Variants in ADGRL3 observed in about 807,000 individuals in gnomAD.
ADGRL3 encodes the protein calcium-independent alpha-latrotoxin receptor 3.
In ADGRL3, 62 loss-of-function variants were observed where a neutral mutation model predicts 153.5. The observed-to-expected ratio is 0.40, with a 90% CI of 0.33 to 0.50. ADGRL3 has a LOEUF of 0.50. Ranked by LOEUF, ADGRL3 falls within the 20% of genes least tolerant of loss-of-function variation. ADGRL3 has a pLI of 0.47. For missense variants in ADGRL3, 1,641 were observed against 1,859.4 expected (o/e 0.88, Z 2.16); for synonymous variants, 710 against 672.5 (o/e 1.06, Z -0.86).
chr4:61,666,653 A>G (rs2094807457), intron 5 of ADGRL3, among the ~76,000 whole-genome samples: 1 of 152,146 alleles, frequency 6.6e-6, no homozygotes, highest in East Asian at 1.9e-4. Context: ...TTAACTTAAG[A>G]GAAATAAAGT....
At chr4:61,527,993 A>G (rs1235797202) in intron 4 of ADGRL3, among the ~76,000 whole-genome samples, 1 of 152,054 alleles carries the variant, frequency 6.6e-6, no homozygotes, top group Non-Finnish European at 1.5e-5. Flanking sequence ...TCTAACCTCC[A>G]GTCATCTTTT....
At chr4:61,302,858 GTTGTA>G (rs2094625195) in intron 1 of ADGRL3, among the ~76,000 whole-genome samples, 1 of 152,076 alleles carries the variant, frequency 6.6e-6, no homozygotes, top group Non-Finnish European at 1.5e-5. Context: ...AAACATTTCA[GTTGTA>G]TTGTCTTTAT....
intron 3 of ADGRL3, among the ~76,000 whole-genome samples, chr4:61,502,877 A>T (rs1301123233): frequency 6.6e-6 from 1 of 152,186 alleles, no homozygotes; most frequent in African/African-American, 2.4e-5. Flanking sequence ...GGTTATTTTT[A>T]GAAATTAATC....
At chr4:61,564,261 G>GT (rs1481401109) in intron 4 of ADGRL3, among the ~76,000 whole-genome samples, 1 of 151,624 alleles carries the variant, frequency 6.6e-6, no homozygotes, top group African/African-American at 2.4e-5. Context: ...TTTTTTGTTT[G>GT]TTTTTGTTGG....
chr4:62,027,997 A>G (rs1242216824), intron 21 of ADGRL3, among the ~76,000 whole-genome samples: 1 of 151,790 alleles, frequency 6.6e-6, no homozygotes, highest in Admixed American at 6.6e-5. Flanking sequence ...GGTTCTCTTT[A>G]TTCAAAATAC....
intron 9 of ADGRL3, among the ~76,000 whole-genome samples, chr4:61,865,804 A>C (rs1055439605): frequency 4.6e-5 from 7 of 152,284 alleles, no homozygotes; most frequent in Admixed American, 3.9e-4. Flanking sequence ...GGGGAGCATA[A>C]GTTTGGGCAG....
At chr4:61,860,393 A>G (rs1185288975) in intron 9 of ADGRL3, among the ~76,000 whole-genome samples, 1 of 152,090 alleles carries the variant, frequency 6.6e-6, no homozygotes, top group East Asian at 1.9e-4. Flanking sequence ...AAATCAAATT[A>G]TCAGAGTTGG....
At chr4:61,551,793 T>A (rs1012938620) in intron 4 of ADGRL3, among the ~76,000 whole-genome samples, 2 of 152,186 alleles carry the variant, frequency 1.3e-5, no homozygotes, top group Admixed American at 6.5e-5. Context: ...GACATATATT[T>A]TTAAAACATA....
intron 2 of ADGRL3, among the ~76,000 whole-genome samples, chr4:61,455,805 C>T (rs2097728133): frequency 6.6e-6 from 1 of 151,586 alleles, no homozygotes; most frequent in East Asian, 1.9e-4. Flanking sequence ...GAGAATAATC[C>T]TACATTATTT....
chr4:61,304,424 C>A (rs995579973), intron 1 of ADGRL3, among the ~76,000 whole-genome samples: 1 of 152,196 alleles, frequency 6.6e-6, no homozygotes, highest in African/African-American at 2.4e-5. Context: ...TACTAAAAAA[C>A]AAGCTCCTGA....
chr4:61,652,695 A>G (rs1163503215), intron 5 of ADGRL3, among the ~76,000 whole-genome samples: 2 of 152,206 alleles, frequency 1.3e-5, no homozygotes, highest in Non-Finnish European at 2.9e-5. Context: ...ACCTAAGATT[A>G]TTTCCATATA....
intron 13 of ADGRL3, among the ~76,000 whole-genome samples, chr4:61,927,348 A>G (rs1437220784): frequency 6.6e-6 from 1 of 151,872 alleles, no homozygotes; most frequent in South Asian, 2.1e-4. Context: ...AGTTTGCAAA[A>G]AGACAATGCT....
intron 4 of ADGRL3, among the ~76,000 whole-genome samples, chr4:61,571,385 C>T (rs2149134755): frequency 6.6e-6 from 1 of 151,888 alleles, no homozygotes; most frequent in South Asian, 2.1e-4. Context: ...TGGTGACACC[C>T]ACCTTTAGTC....
chr4:61,324,379 A>G (rs1471519495), intron 1 of ADGRL3, among the ~76,000 whole-genome samples: 2 of 152,298 alleles, frequency 1.3e-5, no homozygotes, highest in Middle Eastern at 3.4e-3. Flanking sequence ...AAAAAGATTA[A>G]TAAGCATGTT....
intron 2 of ADGRL3, among the ~76,000 whole-genome samples, chr4:61,430,419 A>G (rs1030637421): frequency 7.2e-5 from 11 of 152,290 alleles, no homozygotes; most frequent in African/African-American, 2.2e-4. Flanking sequence ...ATATACATGA[A>G]CTAGCACTTC....
At chr4:61,651,738 G>C (rs2094260253) in intron 5 of ADGRL3, among the ~76,000 whole-genome samples, 1 of 150,646 alleles carries the variant, frequency 6.6e-6, no homozygotes. Flanking sequence ...CTCCTGAGTA[G>C]CTGGGACTAC....
chr4:61,730,480 T>C lies in ADGRL3; in HGVS notation c.584-142T>C, dbSNP rs2096420652. Reference sequence around the variant, plus strand: ...GAGAGATGGGTTTTATTAAAACATATAATGTTCAATAAAGCAAGTATGAGT... The same window carrying C: ...GAGAGATGGGTTTTATTAAAACATACAATGTTCAATAAAGCAAGTATGAGT... On this transcript the variant is annotated intron_variant, in intron 6 of 26. Coordinates refer to ENST00000683033, the MANE Select transcript of ADGRL3 (RefSeq NM_001387552.1). 4 of 286,888 alleles carry C rather than the reference T, an allele frequency of 1.4e-5. No individual in the cohort carries two copies. The Admixed American group carries it at 2.2e-4, about 15-fold the overall frequency. The allele number at this position is 286,888 out of a possible 1,614,324, so 17.8% of individuals were successfully genotyped here.
intron 21 of ADGRL3, among the ~76,000 whole-genome samples, chr4:62,005,999 CACACATATATATAT>C (rs1328685054): frequency 2.4e-5 from 2 of 82,614 alleles, no homozygotes; most frequent in African/African-American, 8.9e-5. Flanking sequence ...CACACACACA[CACACATATATATAT>C]ATATATATAT....
intron 5 of ADGRL3, among the ~76,000 whole-genome samples, chr4:61,610,546 C>A (rs936587609): frequency 6.6e-6 from 1 of 151,974 alleles, no homozygotes; most frequent in African/African-American, 2.4e-5. Flanking sequence ...TTAAGAGTAA[C>A]CGTAGTCTAA....
Sources: allele counts gnomAD v4.1 joint callset (sites outside exome capture counted in the v4.1 genomes callset), GRCh38; gene constraint gnomAD v4.1.1; transcripts MANE v1.5; gene names NCBI Gene and HGNC (gene_info 2026-07-23, HGNC 2026-07-21).